The following ZC3H18 variants were observed in gnomAD, a reference collection of about 807,000 sequenced individuals.
ZC3H18 encodes the protein zinc finger CCCH domain-containing protein 18.
A neutral mutation model predicts 106.1 loss-of-function variants in ZC3H18; 8 were observed. That is an observed-to-expected ratio of 0.08 (90% confidence interval 0.04 to 0.14). The LOEUF (loss-of-function observed/expected upper bound fraction) is 0.14. Ranked by LOEUF, ZC3H18 falls within the 10% of genes least tolerant of loss-of-function variation. The pLI is 1.00. For synonymous variants in ZC3H18, 635 were observed against 522.1 expected (o/e 1.22, Z -2.95); for missense variants, 1,318 against 1,278.4 (o/e 1.03, Z -0.47).
At chr16:88,579,555 C>T (rs538352011) in intron 2 of ZC3H18, among the ~76,000 whole-genome samples, 25 of 152,246 alleles carry the variant, frequency 1.6e-4, no homozygotes, top group African/African-American at 5.8e-4. Flanking sequence ...GCGGGCGGTG[C>T]GGTAGATGGG....
Position 88,625,217 on chromosome 16 carries a change from C to T in ZC3H18, c.2058C>T (p.Gly686=). 1.3e-6 allele frequency: 2 copies of T among 1,591,472 alleles called. No individual in the cohort carries two copies. Among genetic ancestry groups the T allele is most frequent in the Non-Finnish European group, 1.7e-6 (2 of 1,169,396 alleles). The part of the protein sequence containing the change: ...RTPPRRRTLS[G]SGSGSGSSYS... Reference sequence around the variant, plus strand: ...TGTATTACAGGCGGACGCTAAGCGGCAGCGGCAGTGGCAGTGGTAGCAGCT... The same window carrying T: ...TGTATTACAGGCGGACGCTAAGCGGTAGCGGCAGTGGCAGTGGTAGCAGCT... The change falls in exon 13 of 18, where the codon GGC becomes GGT. Residue 686 remains glycine, a synonymous_variant. Coordinates refer to ENST00000301011, the MANE Select transcript of ZC3H18 (RefSeq NM_144604.4).
At chr16:88,617,129 G>T (rs890950414) in intron 8 of ZC3H18, among the ~76,000 whole-genome samples, 2 of 152,144 alleles carry the variant, frequency 1.3e-5, no homozygotes, top group African/African-American at 4.8e-5. Flanking sequence ...TGTCCATGGG[G>T]GAGCCATTTC....
chr16:88,615,047 C>T (rs1394505069), intron 8 of ZC3H18, among the ~76,000 whole-genome samples: 1 of 150,458 alleles, frequency 6.6e-6, no homozygotes, highest in Admixed American at 6.6e-5. Context: ...CCACCTGCTC[C>T]GTTCCCTCTG....
intron 6 of ZC3H18, among the ~76,000 whole-genome samples, chr16:88,601,607 C>T (rs1297030137): frequency 2.6e-5 from 4 of 152,130 alleles, no homozygotes; most frequent in Non-Finnish European, 4.4e-5. Context: ...AAGCTGGCTC[C>T]TGGCTCCCTA....
At chr16:88,574,917 C>G (rs1389989096) in intron 1 of ZC3H18, among the ~76,000 whole-genome samples, 1 of 150,976 alleles carries the variant, frequency 6.6e-6, no homozygotes, top group East Asian at 1.9e-4. Flanking sequence ...CCAAGCCCCG[C>G]CCCCTGGGTT....
intron 13 of ZC3H18, chr16:88,626,792 A>G (rs1204720044): frequency 1.3e-5 from 2 of 152,168 alleles, no homozygotes; most frequent in Non-Finnish European, 2.9e-5. Flanking sequence ...CGAGCAGCAT[A>G]TGGGCAGGGC....
chr16:88,585,483 TGTC>T (rs1354581542), intron 2 of ZC3H18, among the ~76,000 whole-genome samples: 1 of 152,212 alleles, frequency 6.6e-6, no homozygotes, highest in Non-Finnish European at 1.5e-5. Flanking sequence ...CAGGTGGTGG[TGTC>T]GTCAACACAA....
intron 2 of ZC3H18, among the ~76,000 whole-genome samples, chr16:88,578,809 G>C (rs1324781972): frequency 1.3e-5 from 2 of 152,160 alleles, no homozygotes; most frequent in African/African-American, 4.8e-5. Flanking sequence ...TCCTGCCTCA[G>C]CCTCCTGAGT....
At chr16:88,602,792 CGTT>C (rs1188178847) in intron 6 of ZC3H18, among the ~76,000 whole-genome samples, 1 of 152,156 alleles carries the variant, frequency 6.6e-6, no homozygotes, top group Non-Finnish European at 1.5e-5. Context: ...GGAATATAGA[CGTT>C]AGCCACCTGA....
chr16:88,581,186 C>T (rs901145421), intron 2 of ZC3H18, among the ~76,000 whole-genome samples: 1 of 152,112 alleles, frequency 6.6e-6, no homozygotes, highest in Admixed American at 6.5e-5. Flanking sequence ...ATTTAAAAAA[C>T]AGATGGGGTC....
chr16:88,630,478 C>CAT lies in ZC3H18; in HGVS notation c.2567-6_2567-5insTA, dbSNP rs1906592432. On this transcript the variant is annotated splice_region_variant and splice_polypyrimidine_tract_variant and intron_variant, in intron 16 of 17. Coordinates refer to ENST00000301011, the MANE Select transcript of ZC3H18 (RefSeq NM_144604.4). ...GAGGGTGGTCTCACTCTGTACCTATCACCCAGGTTCTCGGGACCGGAAGTC... is the reference window on the plus strand; with the variant it reads ...GAGGGTGGTCTCACTCTGTACCTATCATACCCAGGTTCTCGGGACCGGAAGTC... 6.2e-7 allele frequency: 1 copy of CAT among 1,612,370 alleles called. No homozygotes were observed. The highest frequency in any genetic ancestry group is 1.3e-5 in the African/African-American group (1 of 75,056).
At chr16:88,630,749 A>ACCC (rs1277102238) in intron 17 of ZC3H18, among the ~76,000 whole-genome samples, 168 bp downstream of exon 17, 15 of 43,216 alleles carry the variant, frequency 3.5e-4, no homozygotes, top group African/African-American at 9.3e-4. Flanking sequence ...TTGCAGCCCC[A>ACCC]CCCCCCACCC....
At chr16:88,608,744 AC>A in intron 6 of ZC3H18, 189 bp from the exon 7 acceptor site, 1 of 475,326 alleles carries the variant, frequency 2.1e-6, no homozygotes, top group Non-Finnish European at 3.9e-6. Flanking sequence ...TGTGAATAGA[AC>A]CCTTTGACTT....
chr16:88,623,660 A>G, intron 10 of ZC3H18: 1 of 550,352 alleles, frequency 1.8e-6, no homozygotes, highest in Non-Finnish European at 3.1e-6. Context: ...TTTCTATGGG[A>G]GCTGTGCTGC....
intron 1 of ZC3H18, among the ~76,000 whole-genome samples, chr16:88,575,953 T>C (rs961500877): frequency 3.9e-5 from 6 of 152,214 alleles, no homozygotes; most frequent in Non-Finnish European, 5.9e-5. Flanking sequence ...CAGGCTGGAG[T>C]GCGGTGGCGC....
At chr16:88,611,672 C>T (rs959402278) in intron 8 of ZC3H18, 136 bp downstream of exon 8, 29 of 1,342,758 alleles carry the variant, frequency 2.2e-5, no homozygotes, top group Admixed American at 1.7e-4. Flanking sequence ...GCCCACAGCC[C>T]GAGCCCATAG....
At chr16:88,588,887 GAAAA>G (rs927682760) in intron 3 of ZC3H18, among the ~76,000 whole-genome samples, 1 of 145,772 alleles carries the variant, frequency 6.9e-6, no homozygotes, top group Non-Finnish European at 1.5e-5. Context: ...TCAGTCTCTT[GAAAA>G]AAAAAAAGTC....
At chr16:88,578,240 G>A (rs886615355) in intron 2 of ZC3H18, among the ~76,000 whole-genome samples, 13 of 152,228 alleles carry the variant, frequency 8.5e-5, no homozygotes, top group African/African-American at 2.7e-4. Context: ...GCTGGGCCAG[G>A]CCTCTTTGGA....
intron 6 of ZC3H18, among the ~76,000 whole-genome samples, chr16:88,606,934 G>A (rs926899512): frequency 4.6e-5 from 7 of 152,164 alleles, no homozygotes; most frequent in African/African-American, 1.2e-4. Context: ...CAGTCTACCC[G>A]AAGCAGAGGG....
Sources: gnomAD v4.1 joint callset for allele counts (sites outside exome capture counted in the v4.1 genomes callset) on GRCh38, gnomAD v4.1.1 for gene constraint, MANE v1.5 for transcripts, NCBI Gene and HGNC (gene_info 2026-07-23, HGNC 2026-07-21) for gene names.